TBCA: variants seen among roughly 807,000 people sequenced by gnomAD.
TBCA encodes tubulin folding cofactor A.
Under a neutral mutation model 15.8 loss-of-function variants are expected in TBCA, and 6 were observed. The ratio of observed to expected loss-of-function variants is 0.38; its 90% confidence interval spans 0.21 to 0.75. TBCA has a LOEUF of 0.75. Among genes scored for constraint, TBCA ranks in the 30% least tolerant of loss-of-function variants. The pLI, the probability that TBCA is intolerant of heterozygous loss-of-function variation, is 0.46. For synonymous variants in TBCA, 32 were observed against 42.3 expected (o/e 0.76, Z 0.94); for missense variants, 90 against 131.2 (o/e 0.69, Z 1.53).
At chr5:77,749,345 A>C (rs948986570) in intron 1 of TBCA, among the ~76,000 whole-genome samples, 2 of 152,162 alleles carry the variant, frequency 1.3e-5, no homozygotes, top group African/African-American at 4.8e-5. Context: ...GCATCTTTAC[A>C]CTTGTTTACA....
At chr5:77,704,387 A>C (rs1428782709) in intron 2 of TBCA, among the ~76,000 whole-genome samples, 1 of 152,222 alleles carries the variant, frequency 6.6e-6, no homozygotes, top group Non-Finnish European at 1.5e-5. Context: ...TAGCACCTTA[A>C]CTGTGTGCTT....
intron 1 of TBCA, among the ~76,000 whole-genome samples, chr5:77,709,994 G>T (rs1233437909): frequency 6.6e-6 from 1 of 152,172 alleles, no homozygotes; most frequent in Non-Finnish European, 1.5e-5. Context: ...GGTTGCTTAG[G>T]ACTGGGGACA....
At chr5:77,717,275 A>C (rs1746418206) in intron 1 of TBCA, among the ~76,000 whole-genome samples, 1 of 152,228 alleles carries the variant, frequency 6.6e-6, no homozygotes, top group Non-Finnish European at 1.5e-5. Flanking sequence ...AAACATCTAA[A>C]ATGATAGTCA....
intron 1 of TBCA, among the ~76,000 whole-genome samples, chr5:77,739,201 C>A (rs528342316): frequency 6.6e-6 from 1 of 152,206 alleles, no homozygotes; most frequent in Non-Finnish European, 1.5e-5. Context: ...TGGCTCATGC[C>A]TGTAATCCCA....
At chr5:77,728,431 A>C (rs1348457751) in intron 1 of TBCA, among the ~76,000 whole-genome samples, 1 of 152,164 alleles carries the variant, frequency 6.6e-6, no homozygotes, top group Non-Finnish European at 1.5e-5. Flanking sequence ...GGAAAGGAGA[A>C]ACCAGTATTA....
chr5:77,700,343 T>C (rs1745984281), intron 2 of TBCA, among the ~76,000 whole-genome samples: 1 of 151,822 alleles, frequency 6.6e-6, no homozygotes, highest in African/African-American at 2.4e-5. Context: ...CAATGAACTC[T>C]CAAAACTCAA....
At chr5:77,700,346 A>G (rs536991644) in intron 2 of TBCA, among the ~76,000 whole-genome samples, 1 of 152,330 alleles carries the variant, frequency 6.6e-6, no homozygotes, top group South Asian at 2.1e-4. Context: ...TGAACTCTCA[A>G]AACTCAAATG....
At chr5:77,757,996 A>G (rs1187108782) in intron 1 of TBCA, among the ~76,000 whole-genome samples, 1 of 152,196 alleles carries the variant, frequency 6.6e-6, no homozygotes, top group Non-Finnish European at 1.5e-5. Context: ...GGTATAAGGT[A>G]GAAAAAGAGA....
chr5:77,764,886 A>C (rs1471701026), intron 1 of TBCA, among the ~76,000 whole-genome samples: 1 of 152,160 alleles, frequency 6.6e-6, no homozygotes, highest in African/African-American at 2.4e-5. Context: ...ATGTGATCTG[A>C]ATCTGGACTC....
chr5:77,764,368 G>A (rs1747725396), intron 1 of TBCA, among the ~76,000 whole-genome samples: 2 of 152,074 alleles, frequency 1.3e-5, no homozygotes, highest in African/African-American at 4.8e-5. Flanking sequence ...AAACAAATGA[G>A]GGCTGTGCAT....
At chr5:77,720,582 C>T (rs578177797) in intron 1 of TBCA, among the ~76,000 whole-genome samples, 11 of 152,098 alleles carry the variant, frequency 7.2e-5, no homozygotes, top group Admixed American at 2.0e-4. Context: ...GGCGTGGTGG[C>T]GGGCCCCTGT....
At chr5:77,756,762 C>T (rs1747485997) in intron 1 of TBCA, among the ~76,000 whole-genome samples, 1 of 152,120 alleles carries the variant, frequency 6.6e-6, no homozygotes, top group African/African-American at 2.4e-5. Context: ...TCTGGAACCC[C>T]CGAAAGCCAA....
intron 2 of TBCA, among the ~76,000 whole-genome samples, chr5:77,703,417 A>AT (rs1350223185): frequency 6.6e-6 from 1 of 152,206 alleles, no homozygotes; most frequent in Non-Finnish European, 1.5e-5. Flanking sequence ...AAGAAGAGAG[A>AT]TATCAGAAGC....
intron 1 of TBCA, among the ~76,000 whole-genome samples, chr5:77,769,209 G>A (rs192289681): frequency 1.3e-5 from 2 of 152,300 alleles, no homozygotes; most frequent in African/African-American, 2.4e-5. Context: ...CCACTTTGGA[G>A]AACTGAATAC....
At chr5:77,724,070 C>T (rs1746579833) in intron 1 of TBCA, among the ~76,000 whole-genome samples, 1 of 151,990 alleles carries the variant, frequency 6.6e-6, no homozygotes, top group Non-Finnish European at 1.5e-5. Context: ...TCACACAAAT[C>T]TAGGGCTTCT....
At chr5:77,769,648 T>C (rs1747861647) in intron 1 of TBCA, among the ~76,000 whole-genome samples, 3 of 151,742 alleles carry the variant, frequency 2.0e-5, no homozygotes, top group South Asian at 2.1e-4. Flanking sequence ...TGCCACAGTT[T>C]GGGAACAATG....
intron 2 of TBCA, among the ~76,000 whole-genome samples, chr5:77,695,267 A>G (rs1580088075): frequency 6.6e-6 from 1 of 152,206 alleles, no homozygotes; most frequent in East Asian, 1.9e-4. Context: ...CAGTCTATCA[A>G]AACAGGACTC....
At chr5:77,759,308 G>A (rs1371429926) in intron 1 of TBCA, among the ~76,000 whole-genome samples, 1 of 152,200 alleles carries the variant, frequency 6.6e-6, no homozygotes, top group Non-Finnish European at 1.5e-5. Context: ...GGAGATCAAG[G>A]TTTTATCATG....
chr5:77,710,781 G>C (rs1746261746), intron 1 of TBCA, among the ~76,000 whole-genome samples: 1 of 152,158 alleles, frequency 6.6e-6, no homozygotes, highest in South Asian at 2.1e-4. Flanking sequence ...ACGCCTTTGA[G>C]TTTGGGACCT....
Sources: gnomAD v4.1 joint callset for allele counts (sites outside exome capture counted in the v4.1 genomes callset) on GRCh38, gnomAD v4.1.1 for gene constraint, MANE v1.5 for transcripts, NCBI Gene and HGNC (gene_info 2026-07-23, HGNC 2026-07-21) for gene names.